Variants in SLC22A25 observed in about 807,000 individuals in gnomAD.
SLC22A25 encodes the protein solute carrier family 22 member 25.
In SLC22A25, 44 loss-of-function variants were observed where a neutral mutation model predicts 45.9. The observed-to-expected ratio is 0.96, with a 90% CI of 0.75 to 1.23. The LOEUF (loss-of-function observed/expected upper bound fraction) is 1.23. SLC22A25 is among the 50% of genes most tolerant of loss of function. The pLI is 0.00. For missense variants in SLC22A25, 800 were observed against 666.4 expected (o/e 1.20, Z -2.21); for synonymous variants, 283 against 238.6 (o/e 1.19, Z -1.72).
At chr11:63,224,873 G>A (rs2089926009) in intron 5 of SLC22A25, among the ~76,000 whole-genome samples, 1 of 152,176 alleles carries the variant, frequency 6.6e-6, no homozygotes, top group Admixed American at 6.5e-5. Flanking sequence ...GCAGAGGTGG[G>A]TGGAACTTGA....
At position 63,233,420 on chromosome 11, in the gene SLC22A25, C is replaced by T. The variant is rs149672846; in HGVS notation, c.-444-3324G>A. ...TCTTCTAGATTTTCTAGTTTATTTG[C>T]GTAGAGGTGTTTATAGTATTGTCTG... On this transcript the variant is annotated intron_variant, in intron 3 of 11. Coordinates refer to ENST00000306494, the MANE Select transcript of SLC22A25 (RefSeq NM_199352.6). 8.2e-3 allele frequency among the ~76,000 whole-genome samples: 1,251 copies of T among 152,218 alleles called. 14 individuals are homozygous for T. Among genetic ancestry groups the T allele is most frequent in the African/African-American group, 0.027 (1,129 of 41,540 alleles).
intron 7 of SLC22A25, among the ~76,000 whole-genome samples, chr11:63,203,368 G>A (rs2089304618): frequency 6.6e-6 from 1 of 151,912 alleles, no homozygotes; most frequent in Admixed American, 6.6e-5. Flanking sequence ...CTGAGCTAAA[G>A]GAGCATGTTC....
chr11:63,218,033 G>A (rs1176371915), intron 5 of SLC22A25: 3 of 559,534 alleles, frequency 5.4e-6, no homozygotes, highest in Non-Finnish European at 1.0e-5. Context: ...CACCAGAAAT[G>A]TCCCTTGTGA....
At chr11:63,187,835 G>C (rs944858935) in intron 7 of SLC22A25, among the ~76,000 whole-genome samples, 1 of 152,154 alleles carries the variant, frequency 6.6e-6, no homozygotes, top group African/African-American at 2.4e-5. Flanking sequence ...CTCTTTATAT[G>C]CTGGATTACA....
chr11:63,184,855 C>G (rs770407015), intron 7 of SLC22A25, among the ~76,000 whole-genome samples: 43 of 152,240 alleles, frequency 2.8e-4, no homozygotes, highest in Non-Finnish European at 5.6e-4. Context: ...AACTCCCAGG[C>G]AATGATTTAT....
intron 5 of SLC22A25, among the ~76,000 whole-genome samples, chr11:63,225,113 A>C (rs991709832): frequency 6.6e-6 from 1 of 152,118 alleles, no homozygotes. Context: ...TAAATAAATA[A>C]ATACATAAAT....
chr11:63,214,855 A>G (rs1411385182), intron 7 of SLC22A25, among the ~76,000 whole-genome samples: 4 of 152,092 alleles, frequency 2.6e-5, no homozygotes, highest in African/African-American at 9.7e-5. Context: ...GAACCCCATC[A>G]GTCTCTCTGA....
At chr11:63,216,660 T>C (rs1380603370) in intron 7 of SLC22A25, among the ~76,000 whole-genome samples, 1 of 152,058 alleles carries the variant, frequency 6.6e-6, no homozygotes, top group African/African-American at 2.4e-5. Flanking sequence ...CATTTATAAG[T>C]GGGAGCTAAA....
chr11:63,199,349 C>T lies in SLC22A25; in HGVS notation c.831-15532G>A, dbSNP rs1240764818. ...ACACATAAACCCTCCCAAGACTGAA[C>T]CAGGAAGAATTTGAATCCCCGAACA... On this transcript the variant is annotated intron_variant, in intron 7 of 11. Transcript: ENST00000306494. 5.9e-5 allele frequency among the ~76,000 whole-genome samples: 9 copies of T among 152,056 alleles called. 2 individuals carry two copies. Among genetic ancestry groups the T allele is most frequent in the Admixed American group, 5.2e-4 (8 of 15,270 alleles).
At chr11:63,166,553 G>T in intron 9 of SLC22A25, 1 of 1,075,662 alleles carries the variant, frequency 9.3e-7, no homozygotes, top group Non-Finnish European at 1.1e-6. Context: ...AACCAATGTA[G>T]CCACATGGCA....
chr11:63,186,721 A>G (rs1487141641), intron 7 of SLC22A25, among the ~76,000 whole-genome samples: 1 of 152,170 alleles, frequency 6.6e-6, no homozygotes, highest in Non-Finnish European at 1.5e-5. Context: ...TAATTTTTGT[A>G]TAAGGTGTAA....
Position 63,197,408 on chromosome 11 carries a change from A to G in SLC22A25, c.831-13591T>C, listed in dbSNP as rs11825657. Among the ~76,000 whole-genome samples, 220 of 152,316 alleles carry G rather than the reference A, an allele frequency of 1.4e-3. 1 individual carries two copies. The highest frequency in any genetic ancestry group is 5.2e-3 in the African/African-American group (217 of 41,556). ...GCATGGTACTGGTACCAAAACAGAG[A>G]TATAGACCAGTGGAACAGAACGGAG... is the stretch of plus-strand genomic sequence containing the variant. On this transcript the variant is annotated intron_variant, in intron 7 of 11. Transcript: ENST00000306494.
At chr11:63,168,689 G>T (rs1193783698) in intron 9 of SLC22A25, among the ~76,000 whole-genome samples, 1 of 152,166 alleles carries the variant, frequency 6.6e-6, no homozygotes. Flanking sequence ...ATCTATGATG[G>T]ATTGGTGTAC....
chr11:63,198,642 C>T (rs2089137932), intron 7 of SLC22A25, among the ~76,000 whole-genome samples: 1 of 152,020 alleles, frequency 6.6e-6, no homozygotes, highest in Non-Finnish European at 1.5e-5. Context: ...GGGTCCAGCA[C>T]ACCAAAATGG....
chr11:63,201,471 C>T (rs2089241641), intron 7 of SLC22A25, among the ~76,000 whole-genome samples: 1 of 152,172 alleles, frequency 6.6e-6, no homozygotes, highest in Non-Finnish European at 1.5e-5. Flanking sequence ...AAGACTAAAA[C>T]TGAACTCCTT....
At chr11:63,168,293 G>T (rs549581848) in intron 9 of SLC22A25, among the ~76,000 whole-genome samples, 7 of 152,170 alleles carry the variant, frequency 4.6e-5, no homozygotes, top group African/African-American at 1.7e-4. Flanking sequence ...TCCAGGGAGG[G>T]CATTAAACTG....
At chr11:63,173,265 C>T (rs547532831) in intron 9 of SLC22A25, among the ~76,000 whole-genome samples, 1 of 151,102 alleles carries the variant, frequency 6.6e-6, no homozygotes, top group African/African-American at 2.4e-5. Context: ...ATACCTAATG[C>T]ATACATGGTT....
intron 7 of SLC22A25, among the ~76,000 whole-genome samples, chr11:63,184,077 C>T (rs144481950): frequency 2.0e-5 from 3 of 152,170 alleles, no homozygotes; most frequent in Non-Finnish European, 4.4e-5. Context: ...TCATGGAGCT[C>T]CTGATGCTGA....
intron 3 of SLC22A25, among the ~76,000 whole-genome samples, chr11:63,234,966 C>A (rs1003262837): frequency 6.6e-6 from 1 of 152,104 alleles, no homozygotes; most frequent in Non-Finnish European, 1.5e-5. Context: ...AATATTGGCC[C>A]CCCCTCTCTT....
Sources: allele counts gnomAD v4.1 joint callset (sites outside exome capture counted in the v4.1 genomes callset), GRCh38; gene constraint gnomAD v4.1.1; transcripts MANE v1.5; gene names NCBI Gene and HGNC (gene_info 2026-07-23, HGNC 2026-07-21).